The following SLC24A3 variants were observed in gnomAD, a reference collection of about 807,000 sequenced individuals.
SLC24A3 encodes the protein sodium/potassium/calcium exchanger 3.
A neutral mutation model predicts 75.8 loss-of-function variants in SLC24A3; 28 were observed. The ratio of observed to expected loss-of-function variants is 0.37; its 90% CI spans 0.27 to 0.51. SLC24A3 has a LOEUF of 0.51. Among genes scored for constraint, SLC24A3 ranks in the 20% least tolerant of loss-of-function variants. The pLI is 0.94. For missense variants in SLC24A3, 663 were observed against 847.8 expected, an observed-to-expected ratio of 0.78 and a Z score of 2.71; for synonymous variants, 372 against 334.1, an observed-to-expected ratio of 1.11 and a Z score of -1.24.
intron 3 of SLC24A3, among the ~76,000 whole-genome samples, chr20:19,529,103 T>C (rs1181364410): frequency 1.3e-5 from 2 of 152,164 alleles, no homozygotes. Flanking sequence ...TTTTAACATA[T>C]TAGGCACAGC....
At chr20:19,474,394 G>T (rs1394699433) in intron 2 of SLC24A3, among the ~76,000 whole-genome samples, 1 of 152,162 alleles carries the variant, frequency 6.6e-6, no homozygotes, top group Admixed American at 6.5e-5. Context: ...CACCTGAAAA[G>T]AAAATTATTA....
intron 6 of SLC24A3, among the ~76,000 whole-genome samples, chr20:19,646,841 C>CTGTGTGTG (rs74180956): frequency 0.023 from 3,278 of 144,658 alleles, 106 homozygotes; most frequent in African/African-American, 0.072. Flanking sequence ...TTACAAAACT[C>CTGTGTGTG]TGTGTGTGTG....
chr20:19,701,407 C>T (rs1325519464), intron 15 of SLC24A3, among the ~76,000 whole-genome samples: 1 of 151,978 alleles, frequency 6.6e-6, no homozygotes, highest in African/African-American at 2.4e-5. Context: ...ATAAATGCTT[C>T]ATGAGCAAAG....
At chr20:19,669,355 A>G (rs1267786344) in intron 8 of SLC24A3, among the ~76,000 whole-genome samples, 1 of 152,124 alleles carries the variant, frequency 6.6e-6, no homozygotes, top group Non-Finnish European at 1.5e-5. Context: ...TACAAAAATT[A>G]GCCAGGCATG....
At chr20:19,635,546 T>C (rs895991655) in intron 6 of SLC24A3, among the ~76,000 whole-genome samples, 3 of 152,234 alleles carry the variant, frequency 2.0e-5, no homozygotes, top group Non-Finnish European at 2.9e-5. Flanking sequence ...TCAGTGATTC[T>C]GTGGGCCAAG....
At chr20:19,423,124 C>T (rs1330241902) in intron 2 of SLC24A3, among the ~76,000 whole-genome samples, 6 of 152,324 alleles carry the variant, frequency 3.9e-5, no homozygotes, top group Non-Finnish European at 5.9e-5. Context: ...GCTCTTGCCC[C>T]GCATCCAGCC....
At chr20:19,306,031 A>G (rs1984318632) in intron 2 of SLC24A3, among the ~76,000 whole-genome samples, 1 of 150,952 alleles carries the variant, frequency 6.6e-6, no homozygotes, top group African/African-American at 2.4e-5. Context: ...TTCAATAAGC[A>G]CAAAACAAAT....
chr20:19,391,873 G>A (rs1188750267), intron 2 of SLC24A3, among the ~76,000 whole-genome samples: 1 of 152,150 alleles, frequency 6.6e-6, no homozygotes, highest in Non-Finnish European at 1.5e-5. Flanking sequence ...AGACATTCTG[G>A]AGACTTGGCT....
intron 1 of SLC24A3, among the ~76,000 whole-genome samples, chr20:19,268,016 AG>A (rs1208150382): frequency 1.3e-5 from 2 of 152,244 alleles, no homozygotes; most frequent in African/African-American, 4.8e-5. Flanking sequence ...TGGTGTAAAA[AG>A]ATTTCATGAT....
At chr20:19,472,173 C>T (rs906604746) in intron 2 of SLC24A3, among the ~76,000 whole-genome samples, 1 of 152,168 alleles carries the variant, frequency 6.6e-6, no homozygotes, top group African/African-American at 2.4e-5. Flanking sequence ...TGTGCTTTCC[C>T]TATGGAAATG....
At position 19,643,360 on chromosome 20, in the gene SLC24A3, C is replaced by A. The variant is rs142994128; in HGVS notation, c.613-10702C>A. 6.0e-4 allele frequency among the ~76,000 whole-genome samples: 92 copies of A among 152,312 alleles called. 2 individuals carry two copies. The East Asian group carries it at 0.017, about 27-fold the overall frequency. Reference sequence around the variant, plus strand: ...GAAATCTTAATTTTAAAAGCACAATCAACTATTCTTCTTCGTTGTTAATTG... The same window carrying A: ...GAAATCTTAATTTTAAAAGCACAATAAACTATTCTTCTTCGTTGTTAATTG... On this transcript the variant is annotated intron_variant, in intron 6 of 16. Transcript: ENST00000328041.
At chr20:19,330,336 C>T (rs1193085814) in intron 2 of SLC24A3, among the ~76,000 whole-genome samples, 2 of 152,156 alleles carry the variant, frequency 1.3e-5, no homozygotes, top group African/African-American at 2.4e-5. Flanking sequence ...TTAAATGGCC[C>T]CCAGCTGTCC....
chr20:19,295,344 C>T (rs1984034193), intron 2 of SLC24A3, among the ~76,000 whole-genome samples: 1 of 152,134 alleles, frequency 6.6e-6, no homozygotes, highest in Non-Finnish European at 1.5e-5. Flanking sequence ...TATTTGAATA[C>T]CTTTTATTTC....
chr20:19,215,459 C>A (rs898426170), intron 1 of SLC24A3, among the ~76,000 whole-genome samples: 1 of 152,054 alleles, frequency 6.6e-6, no homozygotes, highest in South Asian at 2.1e-4. Context: ...ATAGGGGGTA[C>A]CTTCATAATG....
In SLC24A3 at chr20:19,247,315, C is replaced by T. The variant is rs544475385; in HGVS notation, c.143-33644C>T. On this transcript the variant is annotated intron_variant, in intron 1 of 16. Transcript: ENST00000328041. ...TTATGCCCACTCTCCTACCTACCCT[C>T]GCGAAAGTTACTTGTAACCCCAGTT... 2.6e-5 allele frequency among the ~76,000 whole-genome samples: 4 copies of T among 152,248 alleles called. No homozygotes were observed. The East Asian group carries it at 7.7e-4, about 29-fold the overall frequency.
At chr20:19,668,169 TGAA>T (rs2032422435) in intron 8 of SLC24A3, among the ~76,000 whole-genome samples, 2 of 152,226 alleles carry the variant, frequency 1.3e-5, no homozygotes, top group Non-Finnish European at 1.5e-5. Flanking sequence ...CATGGGCTGA[TGAA>T]GAGCATTTTG....
chr20:19,279,478 G>A (rs1223824309), intron 1 of SLC24A3, among the ~76,000 whole-genome samples: 1 of 152,128 alleles, frequency 6.6e-6, no homozygotes, highest in African/African-American at 2.4e-5. Flanking sequence ...ATCTGTCCAT[G>A]GTGGTCAAGG....
intron 1 of SLC24A3, among the ~76,000 whole-genome samples, chr20:19,280,036 G>T (rs1282020635): frequency 2.0e-5 from 3 of 152,170 alleles, no homozygotes; most frequent in African/African-American, 7.2e-5. Flanking sequence ...TAATGCTCAG[G>T]AAGACCCCAA....
intron 1 of SLC24A3, among the ~76,000 whole-genome samples, chr20:19,250,118 G>A (rs1982607975): frequency 6.6e-6 from 1 of 152,222 alleles, no homozygotes; most frequent in African/African-American, 2.4e-5. Context: ...TGTCCACGCT[G>A]TGCTGAGCTC....
Sources: gnomAD v4.1 joint callset for allele counts (sites outside exome capture counted in the v4.1 genomes callset) on GRCh38, gnomAD v4.1.1 for gene constraint, MANE v1.5 for transcripts, NCBI Gene and HGNC (gene_info 2026-07-23, HGNC 2026-07-21) for gene names.